Variants in TRIM25 observed in about 807,000 individuals in gnomAD.
TRIM25 encodes the protein E3 ubiquitin/ISG15 ligase TRIM25.
Under a neutral mutation model 65.2 loss-of-function variants are expected in TRIM25, and 45 were observed. The ratio of observed to expected loss-of-function variants is 0.69; its 90% confidence interval spans 0.54 to 0.89. The LOEUF is 0.89. Ranked by LOEUF, TRIM25 falls within the 40% of genes least tolerant of loss-of-function variation. The pLI is 0.00. For synonymous variants in TRIM25, 321 were observed against 340.4 expected (o/e 0.94, Z 0.63); for missense variants, 714 against 803.7 (o/e 0.89, Z 1.35).
Position 56,899,169 on chromosome 17 carries a change from C to T in TRIM25, c.1099G>A (p.Glu367Lys), listed in dbSNP as rs1233551093. ...TTGTGTGTGGACGCTGGGTCATGCT[C>T]TCCAGGGTCACCTGTGTCAGAGAAG... ...EPTPSSGDPG[E>K]HDPASTHKST... The change falls in exon 5 of 9, where the codon GAG becomes AAG. Residue 367 changes from glutamate to lysine, a missense_variant. Physicochemically the swap from Glu to Lys is moderately conservative, Grantham distance 56 (BLOSUM62 1). This residue lies in a region of TRIM25 where 413 missense variants were observed against 498.2 expected (regional missense o/e 0.83). Transcript: ENST00000316881. 2 of 1,613,980 alleles carry T rather than the reference C, an allele frequency of 1.2e-6. No homozygotes were observed. Among genetic ancestry groups the T allele is most frequent in the African/African-American group, 2.7e-5 (2 of 74,888 alleles).
intron 5 of TRIM25, among the ~76,000 whole-genome samples, chr17:56,896,859 A>G (rs962204868): frequency 6.6e-6 from 1 of 151,966 alleles, no homozygotes; most frequent in Non-Finnish European, 1.5e-5. Context: ...AATCCCAGCA[A>G]TTTGGGAGGC....
Position 56,895,323 on chromosome 17 carries a change from C to G in TRIM25, c.1363+20G>C. 6.2e-7 allele frequency: 1 copy of G among 1,605,800 alleles called. No individual in the cohort carries two copies. The highest frequency in any genetic ancestry group is 8.5e-7 in the Non-Finnish European group (1 of 1,173,108). The stretch of plus-strand genomic sequence containing the variant: ...GAGACAGAACCAGTGGAACCGCGCA[C>G]CAGCCCCGAAGCTACTCACACTCCA... On this transcript the variant is annotated intron_variant, in intron 8 of 8. Transcript: ENST00000316881.
chr17:56,909,784 A>G (rs556710850), intron 1 of TRIM25, among the ~76,000 whole-genome samples: 76 of 152,224 alleles, frequency 5.0e-4, no homozygotes, highest in African/African-American at 1.8e-3. Context: ...CAAACTGTAT[A>G]TGAAGGAAGC....
At position 56,891,610 on chromosome 17, in the gene TRIM25, G is replaced by C; in HGVS notation, c.*90C>G. The C allele has an allele frequency of 6.9e-7, 1 of 1,450,054 alleles. No homozygotes were observed. The highest frequency in any genetic ancestry group is 2.3e-5 in the East Asian group (1 of 42,734). 89.8% of individuals were successfully genotyped at this position (1,450,054 alleles called of 1,614,324 possible). A position where few individuals can be genotyped will look rare whatever the true frequency, so the allele number is the denominator to read the frequency against. ...TGCTCCCAATCCTTGGGACCTCTTG[G>C]GGAATTATCCAAGGAGAGTTCTGCC... On this transcript the variant is annotated 3_prime_UTR_variant, in exon 9 of 9. Coordinates refer to ENST00000316881, the MANE Select transcript of TRIM25 (RefSeq NM_005082.5).
At chr17:56,901,277 C>G (rs1308100548) in intron 4 of TRIM25, 142 bp downstream of exon 4, 1 of 943,542 alleles carries the variant, frequency 1.1e-6, no homozygotes, top group Non-Finnish European at 1.6e-6. Flanking sequence ...AGCCTCCAGA[C>G]AGAGGGCGGA....
chr17:56,895,703 C>G (rs755936717), intron 6 of TRIM25, 99 bp from the exon 7 acceptor site: 2 of 1,323,304 alleles, frequency 1.5e-6, no homozygotes, highest in Non-Finnish European at 2.1e-6. Flanking sequence ...CACGCCTGAA[C>G]AGCAGGACAA....
At chr17:56,907,740 T>C (rs968477979) in intron 2 of TRIM25, among the ~76,000 whole-genome samples, 3 of 152,218 alleles carry the variant, frequency 2.0e-5, no homozygotes, top group African/African-American at 7.2e-5. Context: ...TACCAGAACC[T>C]GTGACTGTAA....
At chr17:56,908,670 ACCCAAGTCTTGCCAC>A (rs1909569263) in intron 1 of TRIM25, 107 bp from the exon 2 acceptor site, 1 of 1,157,264 alleles carries the variant, frequency 8.6e-7, no homozygotes, top group Non-Finnish European at 1.3e-6. Flanking sequence ...CTTCCACTCC[ACCCAAGTCTTGCCAC>A]CCCAAGTCCT....
At position 56,896,881 on chromosome 17, in the gene TRIM25, G is replaced by C. The variant is rs367734841; in HGVS notation, c.1154-929C>G. Among the ~76,000 whole-genome samples the C allele has an allele frequency of 2.6e-4, 39 of 151,992 alleles. No homozygotes were observed. The East Asian group carries it at 7.2e-3, about 28-fold the overall frequency. ...GCAATTTGGGAGGCTGAGGTAGGAG[G>C]ATTGCTTGAGGCCAGGAGTTCAAGA... On this transcript the variant is annotated intron_variant, in intron 5 of 8. Coordinates refer to ENST00000316881, the MANE Select transcript of TRIM25 (RefSeq NM_005082.5).
chr17:56,898,279 C>T (rs971931209), intron 5 of TRIM25, among the ~76,000 whole-genome samples: 4 of 151,626 alleles, frequency 2.6e-5, no homozygotes, highest in South Asian at 2.1e-4. Context: ...AACATCTCAG[C>T]GGTATATGGA....
chr17:56,911,145 T>A (rs1281972730), intron 1 of TRIM25, among the ~76,000 whole-genome samples: 1 of 152,162 alleles, frequency 6.6e-6, no homozygotes, highest in East Asian at 1.9e-4. Flanking sequence ...GGTGCGTGCT[T>A]GTAGTCCTAG....
At chr17:56,900,177 G>A (rs1909380488) in intron 4 of TRIM25, among the ~76,000 whole-genome samples, 1 of 151,866 alleles carries the variant, frequency 6.6e-6, no homozygotes, top group South Asian at 2.1e-4. Flanking sequence ...TTGGGCCATT[G>A]CACTCCAGCC....
chr17:56,904,291 C>G lies in TRIM25; in HGVS notation c.891G>C (p.Gln297His). The change falls in exon 3 of 9, where the codon CAG becomes CAC. Residue 297 changes from glutamine (Q) to histidine (H), a missense_variant. Around this residue, in one of 3 missense-constraint regions of TRIM25, gnomAD observed 413 missense variants for 498.2 expected, o/e 0.83. Coordinates refer to ENST00000316881, the MANE Select transcript of TRIM25 (RefSeq NM_005082.5). ...EIQTLKEEIE[Q>H]SLTKRDEFEF... ...CGAACTCATCCCTCTTGGTCAGGCT[C>G]TGTTCAATCTCCTCCTTCAAGGTCT... 1.9e-6 allele frequency: 3 copies of G among 1,613,910 alleles called. No homozygotes were observed. Among genetic ancestry groups the G allele is most frequent in the Non-Finnish European group, 1.7e-6 (2 of 1,180,028 alleles).
chr17:56,900,475 C>T (rs774243851), intron 4 of TRIM25, among the ~76,000 whole-genome samples: 5 of 152,186 alleles, frequency 3.3e-5, no homozygotes, highest in Non-Finnish European at 7.3e-5. Context: ...GAATGCGATA[C>T]TACCCATGCA....
At chr17:56,895,120 C>T (rs191916211) in intron 8 of TRIM25, among the ~76,000 whole-genome samples, 11 of 152,166 alleles carry the variant, frequency 7.2e-5, no homozygotes, top group East Asian at 5.8e-4. Flanking sequence ...CCAGACTAGA[C>T]GGCAAGAGGG....
At position 56,891,700 on chromosome 17, in the gene TRIM25, C is replaced by A; in HGVS notation, c.1893G>T (p.Ter631TyrextTer8). 6.2e-7 allele frequency: 1 copy of A among 1,610,506 alleles called. No homozygotes were observed. Among genetic ancestry groups the A allele is most frequent in the South Asian group, 1.1e-5 (1 of 90,886 alleles). Residue 631 changes from the stop codon to tyrosine, a stop_lost, in exon 9 of 9, where the codon TAG becomes TAT. Coordinates refer to ENST00000316881, the MANE Select transcript of TRIM25 (RefSeq NM_005082.5). ...GTCAGCCCAAGTGCCTACAGCCTGC[C>A]TACTTGGGGGAGCAGATGGAGAGTG... is the stretch of plus-strand genomic sequence containing the variant. Reference protein sequence around the residue: ...GATLSICSPK* With the variant: ...GATLSICSPKY
Position 56,908,470 on chromosome 17 carries a change from G to A in TRIM25, c.691C>T (p.Arg231Trp), listed in dbSNP as rs764695048. ...DDVRNRQQDV[R>W]MTANRKVEQL... The stretch of plus-strand genomic sequence containing the variant: ...CCTTGGAGAGCCCTGCCACTCACCC[G>A]CACATCCTGCTGCCTGTTTCTCACA... Residue 231 changes from arginine to tryptophan, a missense_variant and splice_region_variant, in exon 2 of 9, where the codon CGG becomes TGG. By Grantham distance (101) the Arg-to-Trp change is moderately radical (BLOSUM62 -3). Around this residue, in one of 3 missense-constraint regions of TRIM25, gnomAD observed 413 missense variants for 498.2 expected, o/e 0.83. Coordinates refer to ENST00000316881, the MANE Select transcript of TRIM25 (RefSeq NM_005082.5). 13 of 1,613,502 alleles carry A rather than the reference G, an allele frequency of 8.1e-6. No homozygotes were observed. Among genetic ancestry groups the A allele is most frequent in the South Asian group, 4.4e-5 (4 of 91,082 alleles).
intron 8 of TRIM25, among the ~76,000 whole-genome samples, chr17:56,893,385 G>A (rs1437602737): frequency 6.6e-6 from 1 of 152,224 alleles, no homozygotes; most frequent in African/African-American, 2.4e-5. Context: ...GCTCCTGAAA[G>A]ACGTGGCTCA....
intron 2 of TRIM25, among the ~76,000 whole-genome samples, chr17:56,906,655 G>A (rs205493): frequency 1.3e-5 from 2 of 152,084 alleles, no homozygotes; most frequent in Non-Finnish European, 2.9e-5. Flanking sequence ...CACCACGCCC[G>A]GCTAATTTTT....
Sources: allele counts gnomAD v4.1 joint callset (sites outside exome capture counted in the v4.1 genomes callset), GRCh38; gene constraint gnomAD v4.1.1; regional missense constraint gnomAD v4.1.1; transcripts MANE v1.5; gene names NCBI Gene and HGNC (gene_info 2026-07-23, HGNC 2026-07-21).